CACNA1C: variants seen among roughly 807,000 people sequenced by gnomAD.
The protein encoded by CACNA1C is calcium voltage-gated channel subunit alpha1 C.
Under a neutral mutation model 229.0 loss-of-function variants are expected in CACNA1C, and 30 were observed. The ratio of observed to expected loss-of-function variants is 0.13; its 90% CI spans 0.10 to 0.18. The LOEUF is 0.18. CACNA1C is among the 10% of genes least tolerant of loss of function. The probability of loss-of-function intolerance (pLI) is 1.00; values close to 1 mark genes in which losing one functional copy is unlikely to be tolerated. For missense variants in CACNA1C, 1,658 were observed against 2,845.0 expected (o/e 0.58, Z 9.49); for synonymous variants, 1,114 against 1,132.5 (o/e 0.98, Z 0.33).
intron 9 of CACNA1C, among the ~76,000 whole-genome samples, chr12:2,532,751 G>A (rs1043327120): frequency 6.6e-6 from 1 of 152,210 alleles, no homozygotes; most frequent in African/African-American, 2.4e-5. Context: ...CACTGAGCCT[G>A]CAGCATGAAT....
At chr12:2,305,284 A>C (rs2094924125) in intron 3 of CACNA1C, among the ~76,000 whole-genome samples, 1 of 152,166 alleles carries the variant, frequency 6.6e-6, no homozygotes, top group African/African-American at 2.4e-5. Flanking sequence ...CAGTCTCATC[A>C]CTTTACTTGG....
chr12:2,502,488 T>A (rs1308138784), intron 7 of CACNA1C, among the ~76,000 whole-genome samples: 1 of 152,220 alleles, frequency 6.6e-6, no homozygotes, highest in East Asian at 1.9e-4. Context: ...ATGGGCATGC[T>A]CAGTAAACCC....
At chr12:2,043,497 C>A (rs2050504732) in intron 1 of CACNA1C, among the ~76,000 whole-genome samples, 2 of 152,252 alleles carry the variant, frequency 1.3e-5, no homozygotes, top group South Asian at 4.2e-4. Flanking sequence ...TGAAACAGGT[C>A]TTCCATCTCC....
At chr12:2,551,569 G>C (rs1257125924) in intron 10 of CACNA1C, among the ~76,000 whole-genome samples, 1 of 152,162 alleles carries the variant, frequency 6.6e-6, no homozygotes, top group African/African-American at 2.4e-5. Context: ...GATGAGCCAA[G>C]ACTGCCAGCA....
intron 1 of CACNA1C, among the ~76,000 whole-genome samples, chr12:2,014,970 C>T (rs975456213): frequency 6.6e-6 from 1 of 152,218 alleles, no homozygotes; most frequent in Non-Finnish European, 1.5e-5. Flanking sequence ...CAGGGATTCA[C>T]CTATGCAAAT....
chr12:2,045,751 A>AG (rs2050933269), intron 1 of CACNA1C, among the ~76,000 whole-genome samples: 2 of 152,048 alleles, frequency 1.3e-5, no homozygotes, highest in Non-Finnish European at 2.9e-5. Context: ...AGGTTAGGGT[A>AG]GCGCAGTGGG....
intron 3 of CACNA1C, among the ~76,000 whole-genome samples, chr12:2,209,497 G>A (rs1489768687): frequency 6.6e-6 from 1 of 152,176 alleles, no homozygotes; most frequent in Non-Finnish European, 1.5e-5. Flanking sequence ...CTCTGTAGCT[G>A]GGGTGCTGTT....
At chr12:2,316,435 T>A (rs2095693923) in intron 3 of CACNA1C, among the ~76,000 whole-genome samples, 1 of 152,176 alleles carries the variant, frequency 6.6e-6, no homozygotes, top group Non-Finnish European at 1.5e-5. Flanking sequence ...AAAACATTTG[T>A]CAGGTATCTA....
At chr12:2,618,784 A>G (rs1346593438) in intron 29 of CACNA1C, among the ~76,000 whole-genome samples, 1 of 152,238 alleles carries the variant, frequency 6.6e-6, no homozygotes, top group African/African-American at 2.4e-5. Flanking sequence ...GATGGCCAGG[A>G]GGAAAGGATG....
At chr12:2,592,766 A>G (rs2066014216) in intron 18 of CACNA1C, among the ~76,000 whole-genome samples, 1 of 148,420 alleles carries the variant, frequency 6.7e-6, no homozygotes, top group Non-Finnish European at 1.5e-5. Context: ...AATTCCTGGA[A>G]CTTCCAAGAG....
chr12:2,229,831 G>A (rs372390441), intron 3 of CACNA1C, among the ~76,000 whole-genome samples: 51 of 152,310 alleles, frequency 3.3e-4, no homozygotes, highest in African/African-American at 1.1e-3. Context: ...GGGGTCCCGA[G>A]GCGGGCGGAG....
At chr12:2,634,644 T>A (rs1310791928) in intron 30 of CACNA1C, among the ~76,000 whole-genome samples, 1 of 151,702 alleles carries the variant, frequency 6.6e-6, no homozygotes, top group Admixed American at 6.6e-5. Flanking sequence ...TCCCATACAA[T>A]CAGCCTGGCA....
At chr12:2,355,578 A>T (rs1425815352) in intron 3 of CACNA1C, among the ~76,000 whole-genome samples, 1 of 152,180 alleles carries the variant, frequency 6.6e-6, no homozygotes, top group African/African-American at 2.4e-5. Flanking sequence ...CCCAGCCCAA[A>T]TGTCACTTTG....
chr12:2,512,989 G>T lies in CACNA1C; in HGVS notation c.1390+5G>T. ...ATGAGGAGAAGCCCCGAAACAGTGA[G>T]CAGCCGTCTTCTTCTGTGTTTGGGC... On this transcript the variant is annotated splice_donor_5th_base_variant and intron_variant, in intron 9 of 46. Coordinates refer to ENST00000399655, the MANE Select transcript of CACNA1C (RefSeq NM_000719.7). This position sits in a 1 kb window ranked among gnomAD's most constrained non-coding sequence, Gnocchi z 4.3. The T allele has an allele frequency of 6.3e-7, 1 of 1,593,366 alleles. No homozygotes were observed.
intron 3 of CACNA1C, among the ~76,000 whole-genome samples, chr12:2,355,748 T>C (rs1412527432): frequency 6.6e-6 from 1 of 152,218 alleles, no homozygotes; most frequent in Admixed American, 6.5e-5. Context: ...GAGACAGATT[T>C]GGTTTTCACA....
rs2097204030 is a variant in CACNA1C, at chr12:2,682,633, A to G, written c.5528A>G (p.His1843Arg). Residue 1843 changes from histidine (H) to arginine (R), a missense_variant, in exon 43 of 47, where the codon CAT (histidine) becomes CGT (arginine). Physicochemically the swap from His to Arg is conservative, Grantham distance 29 (BLOSUM62 0). Around this residue, in one of 20 missense-constraint regions of CACNA1C, gnomAD observed 590 missense variants for 700.8 expected, o/e 0.84. Coordinates refer to ENST00000399655, the MANE Select transcript of CACNA1C (RefSeq NM_000719.7). ...GAGACCTATGAAGTGAAGATGAACC[A>G]TGACACGGAGGCCTGCAGTGAGCCC... ...QDETYEVKMN[H>R]DTEACSEPSL... 46 of 1,612,366 alleles carry G rather than the reference A, an allele frequency of 2.9e-5. No individual in the cohort carries two copies. The highest frequency in any genetic ancestry group is 3.7e-5 in the Non-Finnish European group (44 of 1,179,610).
At chr12:2,222,346 G>A (rs1249806578) in intron 3 of CACNA1C, 7 of 152,008 alleles carry the variant, frequency 4.6e-5, no homozygotes, top group Non-Finnish European at 1.0e-4. Context: ...TGGAGTTGGA[G>A]TCCCAGCTCA....
chr12:2,158,765 C>G (rs1011641810), intron 3 of CACNA1C, among the ~76,000 whole-genome samples: 2 of 152,112 alleles, frequency 1.3e-5, no homozygotes, highest in Admixed American at 1.3e-4. Flanking sequence ...AAAAATAAAA[C>G]TTAGCCCGAT....
Position 2,227,570 on chromosome 12 carries a change from C to G in CACNA1C, c.477+107140C>G, listed in dbSNP as rs1599791016. Among the ~76,000 whole-genome samples the G allele has an allele frequency of 4.6e-5, 7 of 152,332 alleles. No homozygotes were observed. In the South Asian group the frequency reaches 1.2e-3, roughly 27 times the overall value. ...GTTTTTCTGTTTCTCTCCTGAAGAA[C>G]TCACAAAGCCTCTTTATCTGTTCAA... On this transcript the variant is annotated intron_variant, in intron 3 of 46. Transcript: ENST00000399655.
Sources: gnomAD v4.1 joint callset for allele counts (sites outside exome capture counted in the v4.1 genomes callset) on GRCh38, gnomAD v4.1.1 for gene constraint, gnomAD v4.1.1 regional missense constraint, Gnocchi (gnomAD v3.1) non-coding constraint, MANE v1.5 for transcripts, NCBI Gene and HGNC (gene_info 2026-07-23, HGNC 2026-07-21) for gene names.